Variants in PTPRC observed in about 807,000 individuals in gnomAD.
PTPRC encodes the protein protein tyrosine phosphatase receptor type C, also known as receptor-type tyrosine-protein phosphatase C.
In PTPRC, 44 loss-of-function variants were observed where a neutral mutation model predicts 155.9. That is an observed-to-expected ratio of 0.28 (90% CI 0.22 to 0.36). The LOEUF (loss-of-function observed/expected upper bound fraction) is 0.36, where lower values mean the gene tolerates loss of function less well. Ranked by LOEUF, PTPRC falls within the 10% of genes least tolerant of loss-of-function variation. The probability of loss-of-function intolerance (pLI) is 1.00; values close to 1 mark genes in which losing one functional copy is unlikely to be tolerated. For missense variants in PTPRC, 1,401 were observed against 1,564.6 expected, an observed-to-expected ratio of 0.90 and a Z score of 1.76; for synonymous variants, 525 against 533.1, an observed-to-expected ratio of 0.98 and a Z score of 0.21.
intron 2 of PTPRC, among the ~76,000 whole-genome samples, chr1:198,665,510 C>T (rs1321998115): frequency 3.3e-5 from 5 of 152,056 alleles, no homozygotes; most frequent in Non-Finnish European, 7.4e-5. Flanking sequence ...ACAGCCAGGT[C>T]CCCCAGGCAT....
chr1:198,745,483 CA>C (rs1025284151), intron 26 of PTPRC, among the ~76,000 whole-genome samples: 11 of 151,856 alleles, frequency 7.2e-5, no homozygotes, highest in African/African-American at 2.7e-4. Flanking sequence ...TTGAGAGATA[CA>C]AGGGCGAGTA....
chr1:198,648,260 A>T (rs974567611), intron 2 of PTPRC, among the ~76,000 whole-genome samples: 4 of 151,966 alleles, frequency 2.6e-5, no homozygotes, highest in African/African-American at 9.6e-5. Context: ...AAAAATGTTT[A>T]TGTGGAGAGA....
chr1:198,704,968 G>T (rs1652856410), intron 8 of PTPRC, among the ~76,000 whole-genome samples: 1 of 152,114 alleles, frequency 6.6e-6, no homozygotes, highest in African/African-American at 2.4e-5. Context: ...TGGTGAGGGG[G>T]AGGGGGACAA....
chr1:198,647,449 T>G (rs769871579), intron 2 of PTPRC, among the ~76,000 whole-genome samples: 7 of 151,936 alleles, frequency 4.6e-5, no homozygotes, highest in Non-Finnish European at 7.4e-5. Context: ...GATTCTGTCC[T>G]TTTATTGTTA....
In PTPRC at chr1:198,669,437, T is replaced by C. The variant is rs982351486; in HGVS notation, c.74-22910T>C. ...TGGTCCACCATACTACCTAATCTGC[T>C]ATATACTCACAAAACTATTTACTTC... On this transcript the variant is annotated intron_variant, in intron 2 of 32. Transcript: ENST00000442510. Among the ~76,000 whole-genome samples the C allele has an allele frequency of 1.4e-4, 21 of 152,222 alleles. 1 individual carries two copies. The highest frequency in any genetic ancestry group is 1.5e-4 in the Non-Finnish European group (10 of 68,028).
intron 17 of PTPRC, among the ~76,000 whole-genome samples, chr1:198,729,911 G>A (rs1654311688): frequency 6.6e-6 from 1 of 152,110 alleles, no homozygotes; most frequent in Non-Finnish European, 1.5e-5. Context: ...AGGGACGAGT[G>A]GATGGAAGTC....
At chr1:198,691,686 CTTCTTA>C (rs1330918483) in intron 2 of PTPRC, among the ~76,000 whole-genome samples, 2 of 152,022 alleles carry the variant, frequency 1.3e-5, no homozygotes, top group African/African-American at 4.8e-5. Context: ...TAAATCCCAG[CTTCTTA>C]TTCTTCTGGG....
intron 4 of PTPRC, among the ~76,000 whole-genome samples, chr1:198,697,648 T>C (rs1418545151): frequency 6.6e-6 from 1 of 152,222 alleles, no homozygotes; most frequent in Non-Finnish European, 1.5e-5. Flanking sequence ...AGTAGAGTGT[T>C]CATGCTTTTC....
At chr1:198,699,786 A>T in intron 5 of PTPRC, 82 bp downstream of exon 5, 1 of 1,566,566 alleles carries the variant, frequency 6.4e-7, no homozygotes, top group Non-Finnish European at 8.8e-7. Flanking sequence ...AGGAAATCTA[A>T]CCACTTATTC....
chr1:198,749,584 A>T, intron 28 of PTPRC, 35 bp downstream of exon 28: 2 of 1,590,568 alleles, frequency 1.3e-6, no homozygotes, highest in South Asian at 2.2e-5. Flanking sequence ...CAAGATCCAA[A>T]CATTTTAAAA....
intron 25 of PTPRC, among the ~76,000 whole-genome samples, chr1:198,743,135 C>T (rs1264755040): frequency 3.6e-5 from 5 of 137,540 alleles, no homozygotes; most frequent in Non-Finnish European, 7.8e-5. Context: ...AAATATGTAT[C>T]AATAGGGGAA....
chr1:198,752,666 A>G lies in PTPRC; in HGVS notation c.3403A>G (p.Lys1135Glu). 1.9e-6 allele frequency: 3 copies of G among 1,612,812 alleles called. No homozygotes were observed. The highest frequency in any genetic ancestry group is 2.5e-6 in the Non-Finnish European group (3 of 1,179,268). The change falls in exon 31 of 33, where the codon AAG (lysine) becomes GAG (glutamate). Residue 1135 changes from lysine (K) to glutamate (E), a missense_variant. Coordinates refer to ENST00000442510, the MANE Select transcript of PTPRC (RefSeq NM_002838.5). Reference protein sequence around the residue: ...WSVEQLPAEPKELISMIQVVK... With the variant: ...WSVEQLPAEPEELISMIQVVK... ...TGTGGAGCAGCTTCCTGCAGAACCC[A>G]AGGAATTAATCTCTATGATTCAGGT... is the stretch of plus-strand genomic sequence containing the variant.
intron 2 of PTPRC, among the ~76,000 whole-genome samples, chr1:198,644,987 G>A (rs1662859639): frequency 6.6e-6 from 1 of 151,688 alleles, no homozygotes; most frequent in Admixed American, 6.6e-5. Flanking sequence ...TTATATTGAA[G>A]TATAAATGAT....
intron 11 of PTPRC, among the ~76,000 whole-genome samples, chr1:198,712,603 A>G (rs1219574978): frequency 6.6e-6 from 1 of 152,216 alleles, no homozygotes; most frequent in Non-Finnish European, 1.5e-5. Context: ...TATTGGTGCT[A>G]TGAATGCCAG....
intron 29 of PTPRC, among the ~76,000 whole-genome samples, chr1:198,751,637 G>C (rs974771630): frequency 6.6e-6 from 1 of 152,036 alleles, no homozygotes; most frequent in Non-Finnish European, 1.5e-5. Context: ...TGGAAGTACC[G>C]GCAGGACTCC....
At chr1:198,692,746 A>T in intron 3 of PTPRC, 1 of 930,820 alleles carries the variant, frequency 1.1e-6, no homozygotes, top group Non-Finnish European at 1.3e-6. Flanking sequence ...TATGTATGTT[A>T]TAGATATGTA....
chr1:198,703,691 T>C, intron 7 of PTPRC: 1 of 399,212 alleles, frequency 2.5e-6, no homozygotes, highest in Non-Finnish European at 4.6e-6. Context: ...GGCTGTCCAT[T>C]GCAAGTGGTG....
intron 13 of PTPRC, among the ~76,000 whole-genome samples, 156 bp downstream of exon 13, chr1:198,716,996 T>A (rs897826098): frequency 1.3e-5 from 2 of 152,222 alleles, no homozygotes; most frequent in African/African-American, 4.8e-5. Context: ...TCTAAAAGTT[T>A]AAAAACCGTT....
In PTPRC at chr1:198,718,170, G is replaced by C. The variant is rs768919403; in HGVS notation, c.1527G>C (p.Arg509Ser). Reference protein sequence around the residue: ...NSMHVKCRPPRDRNGPHERYH... With the variant: ...NSMHVKCRPPSDRNGPHERYH... ...TGCATGTCAAGTGTAGGCCTCCCAGGGACCGTAATGGCCCCCATGAACGTT... is the reference window on the plus strand; with the variant it reads ...TGCATGTCAAGTGTAGGCCTCCCAGCGACCGTAATGGCCCCCATGAACGTT... Residue 509 changes from arginine (R) to serine (S), a missense_variant, in exon 14 of 33, where the codon AGG becomes AGC. Transcript: ENST00000442510. 12 of 1,613,714 alleles carry C rather than the reference G, an allele frequency of 7.4e-6. No homozygotes were observed. The highest frequency in any genetic ancestry group is 9.3e-6 in the Non-Finnish European group (11 of 1,179,718).
Sources: allele counts gnomAD v4.1 joint callset (sites outside exome capture counted in the v4.1 genomes callset), GRCh38; gene constraint gnomAD v4.1.1; transcripts MANE v1.5; gene names NCBI Gene and HGNC (gene_info 2026-07-23, HGNC 2026-07-21).